SIAH3: variants seen among roughly 807,000 people sequenced by gnomAD.
SIAH3 encodes siah E3 ubiquitin protein ligase family member 3.
In SIAH3, 9 loss-of-function variants were observed where a neutral mutation model predicts 12.6. The observed-to-expected ratio is 0.72, with a 90% CI of 0.43 to 1.25. The LOEUF (loss-of-function observed/expected upper bound fraction) is 1.25. SIAH3 is among the 50% of genes most tolerant of loss of function. SIAH3 has a pLI of 0.00. For missense variants in SIAH3, 390 were observed against 365.4 expected (o/e 1.07, Z -0.55); for synonymous variants, 154 against 151.1 (o/e 1.02, Z -0.14).
intron 1 of SIAH3, among the ~76,000 whole-genome samples, chr13:45,787,684 G>A (rs993099963): frequency 1.3e-5 from 2 of 152,222 alleles, no homozygotes; most frequent in African/African-American, 4.8e-5. Context: ...TGGTGGAGAT[G>A]GAGAGGAGAT....
intron 1 of SIAH3, among the ~76,000 whole-genome samples, chr13:45,829,921 G>C (rs887692860): frequency 2.0e-5 from 3 of 152,150 alleles, no homozygotes; most frequent in Admixed American, 2.0e-4. Flanking sequence ...CAGCTTTCCT[G>C]TCTGGCTGCG....
chr13:45,830,324 A>G (rs1246925362), intron 1 of SIAH3, among the ~76,000 whole-genome samples: 2 of 151,380 alleles, frequency 1.3e-5, no homozygotes, highest in African/African-American at 4.9e-5. Context: ...TGCTGGTGGC[A>G]CTGTGCACTC....
chr13:45,845,268 G>GC (rs869310404), intron 1 of SIAH3, among the ~76,000 whole-genome samples: 8 of 87,002 alleles, frequency 9.2e-5, no homozygotes, highest in Non-Finnish European at 1.4e-4. Context: ...TTGTGCGTGT[G>GC]TTAAAAACGC....
chr13:45,795,337 C>T (rs1663049901), intron 1 of SIAH3, among the ~76,000 whole-genome samples: 2 of 152,208 alleles, frequency 1.3e-5, no homozygotes, highest in African/African-American at 4.8e-5. Flanking sequence ...ATCTCAGTCA[C>T]CCACATTCCT....
rs1026860710 is a variant in SIAH3, at chr13:45,779,038, T to G, written c.*4345A>C. On this transcript the variant is annotated 3_prime_UTR_variant, in exon 2 of 2. Coordinates refer to ENST00000400405, the MANE Select transcript of SIAH3 (RefSeq NM_198849.3). ...AGAAAAATCCCTGTCTAGTAGCATT[T>G]GCTAATTTCCATGGTATGAATACTT... The G allele has an allele frequency of 6.6e-6, 1 of 152,190 alleles. No homozygotes were observed. Among genetic ancestry groups the G allele is most frequent in the African/African-American group, 2.4e-5 (1 of 41,438 alleles). The allele number at this position is 152,190 out of a possible 1,614,324, so 9.4% of individuals were successfully genotyped here.
chr13:45,788,737 A>G (rs1950535821), intron 1 of SIAH3, among the ~76,000 whole-genome samples: 2 of 152,274 alleles, frequency 1.3e-5, no homozygotes, highest in South Asian at 4.1e-4. Flanking sequence ...CACCAAGCTC[A>G]CTTAGAGGAT....
intron 1 of SIAH3, among the ~76,000 whole-genome samples, chr13:45,824,489 T>C (rs1364655517): frequency 6.6e-6 from 1 of 152,184 alleles, no homozygotes; most frequent in Admixed American, 6.5e-5. Context: ...CTTCCTTCTT[T>C]GTAAGCTGGA....
rs1950491328 is a variant in SIAH3 at position 45,778,309 on chromosome 13, A to G, written c.*5074T>C. 1 of 152,248 alleles carries G rather than the reference A, an allele frequency of 6.6e-6. No individual in the cohort carries two copies. 9.4% of individuals were successfully genotyped at this position (152,248 alleles called of 1,614,324 possible). On this transcript the variant is annotated 3_prime_UTR_variant, in exon 2 of 2. Transcript: ENST00000400405. ...GGAGGGTGACCTGTAAGAACAAGTA[A>G]CAGGAAATTTGAGCTTTATAGAGCT...
intron 1 of SIAH3, among the ~76,000 whole-genome samples, chr13:45,820,070 A>G (rs557317027): frequency 6.6e-6 from 1 of 152,330 alleles, no homozygotes; most frequent in East Asian, 1.9e-4. Context: ...AGCCTCCTTT[A>G]TAAGGGCCTT....
chr13:45,796,466 G>C (rs1446652253), intron 1 of SIAH3, among the ~76,000 whole-genome samples: 1 of 152,176 alleles, frequency 6.6e-6, no homozygotes, highest in Admixed American at 6.5e-5. Flanking sequence ...TTGGAGGATG[G>C]GGATGAGAGT....
intron 1 of SIAH3, among the ~76,000 whole-genome samples, chr13:45,821,137 G>A (rs915397218): frequency 1.3e-5 from 2 of 152,188 alleles, no homozygotes; most frequent in Non-Finnish European, 2.9e-5. Flanking sequence ...AGGTCATTAA[G>A]GTGGGCCCTA....
chr13:45,797,577 G>C (rs1305978979), intron 1 of SIAH3, among the ~76,000 whole-genome samples: 4 of 152,186 alleles, frequency 2.6e-5, no homozygotes, highest in Non-Finnish European at 4.4e-5. Flanking sequence ...GAGAGGGTTA[G>C]ACCAGCAATC....
At chr13:45,811,499 G>A (rs940978072) in intron 1 of SIAH3, among the ~76,000 whole-genome samples, 23 of 152,100 alleles carry the variant, frequency 1.5e-4, no homozygotes, top group African/African-American at 5.3e-4. Context: ...GTCTTATTCT[G>A]TTGCCCAGGC....
At chr13:45,833,405 T>C (rs919310638) in intron 1 of SIAH3, among the ~76,000 whole-genome samples, 5 of 152,080 alleles carry the variant, frequency 3.3e-5, no homozygotes, top group Non-Finnish European at 5.9e-5. Context: ...TCTTTTTTGG[T>C]ACTGACCAGC....
chr13:45,791,739 T>C (rs1950546310), intron 1 of SIAH3, among the ~76,000 whole-genome samples: 1 of 152,232 alleles, frequency 6.6e-6, no homozygotes. Context: ...CTGAGATTAC[T>C]TGATGCTTCA....
At chr13:45,809,363 A>G (rs1950608822) in intron 1 of SIAH3, among the ~76,000 whole-genome samples, 1 of 152,216 alleles carries the variant, frequency 6.6e-6, no homozygotes, top group Non-Finnish European at 1.5e-5. Flanking sequence ...GCAGAATCAG[A>G]ATCTCTGGAC....
chr13:45,784,203 A>G (rs920409951), intron 1 of SIAH3, 146 bp from the exon 2 acceptor site: 3 of 805,260 alleles, frequency 3.7e-6, no homozygotes, highest in Non-Finnish European at 5.9e-6. Context: ...AAACAAACAA[A>G]CAAACAAACA....
intron 1 of SIAH3, among the ~76,000 whole-genome samples, chr13:45,837,336 C>T (rs913892578): frequency 1.3e-5 from 2 of 152,168 alleles, no homozygotes; most frequent in Non-Finnish European, 2.9e-5. Flanking sequence ...ACTTCCTTTC[C>T]TAATTTCAAA....
Position 45,781,991 on chromosome 13 carries a change from G to A in SIAH3, c.*1392C>T, listed in dbSNP as rs1950506142. On this transcript the variant is annotated 3_prime_UTR_variant, in exon 2 of 2. Coordinates refer to ENST00000400405, the MANE Select transcript of SIAH3 (RefSeq NM_198849.3). ...GGGGTGCCTGACTTCTGCAGTGTCT[G>A]GAGAGCAGCCAGAGGGGGGGGACAA... 2 of 150,032 alleles carry A rather than the reference G, an allele frequency of 1.3e-5. No individual in the cohort carries two copies. The highest frequency in any genetic ancestry group is 2.9e-5 in the Non-Finnish European group (2 of 67,940). 9.3% of individuals were successfully genotyped at this position (150,032 alleles called of 1,614,324 possible). A position where few individuals can be genotyped will look rare whatever the true frequency, so the allele number is the denominator to read the frequency against.
Sources: gnomAD v4.1 joint callset for allele counts (sites outside exome capture counted in the v4.1 genomes callset) on GRCh38, gnomAD v4.1.1 for gene constraint, MANE v1.5 for transcripts, NCBI Gene and HGNC (gene_info 2026-07-23, HGNC 2026-07-21) for gene names.